CADM2: variants seen among roughly 807,000 people sequenced by gnomAD.
The protein encoded by CADM2 is immunoglobulin superfamily member 4D.
In CADM2, 12 loss-of-function variants were observed where a neutral mutation model predicts 49.8. That is an observed-to-expected ratio of 0.24 (90% CI 0.15 to 0.39). The LOEUF (loss-of-function observed/expected upper bound fraction) is 0.39, where lower values mean the gene tolerates loss of function less well. Ranked by LOEUF, CADM2 falls within the 10% of genes least tolerant of loss-of-function variation. The probability of loss-of-function intolerance (pLI) is 1.00; values close to 1 mark genes in which losing one functional copy is unlikely to be tolerated. For missense variants in CADM2, 378 were observed against 492.3 expected, an observed-to-expected ratio of 0.77 and a Z score of 2.20; for synonymous variants, 214 against 175.4, an observed-to-expected ratio of 1.22 and a Z score of -1.74.
intron 8 of CADM2, among the ~76,000 whole-genome samples, chr3:86,001,052 T>A (rs1730136201): frequency 6.6e-6 from 1 of 152,112 alleles, no homozygotes; most frequent in Non-Finnish European, 1.5e-5. Flanking sequence ...GACAGAAAGG[T>A]ACAATGATTA....
chr3:85,404,450 A>G (rs1374182716), intron 1 of CADM2, among the ~76,000 whole-genome samples: 2 of 152,174 alleles, frequency 1.3e-5, no homozygotes, highest in Non-Finnish European at 2.9e-5. Flanking sequence ...AGTCAAATAA[A>G]AAGAGCTGTT....
chr3:85,603,179 A>G (rs2063457822), intron 1 of CADM2, among the ~76,000 whole-genome samples: 1 of 151,894 alleles, frequency 6.6e-6, no homozygotes, highest in Admixed American at 6.6e-5. Flanking sequence ...GATCTGAAAT[A>G]TACATTTAAA....
At chr3:86,057,231 A>T (rs1375244537) in intron 8 of CADM2, among the ~76,000 whole-genome samples, 1 of 152,150 alleles carries the variant, frequency 6.6e-6, no homozygotes, top group Non-Finnish European at 1.5e-5. Context: ...TTTTCCCACA[A>T]GTTATGTATA....
intron 1 of CADM2, among the ~76,000 whole-genome samples, chr3:85,631,997 A>C (rs59562320): frequency 6.6e-6 from 1 of 151,946 alleles, no homozygotes; most frequent in African/African-American, 2.4e-5. Flanking sequence ...TTATTTTGCT[A>C]TGCTTTGCTT....
chr3:85,748,706 G>A (rs902557188), intron 2 of CADM2, among the ~76,000 whole-genome samples: 4 of 151,924 alleles, frequency 2.6e-5, no homozygotes, highest in Non-Finnish European at 5.9e-5. Flanking sequence ...CACTTTTATG[G>A]TGGCCTGTAT....
At chr3:85,006,205 A>G (rs554038560) in intron 1 of CADM2, among the ~76,000 whole-genome samples, 15 of 152,268 alleles carry the variant, frequency 9.9e-5, no homozygotes, top group African/African-American at 1.7e-4. Context: ...CTCTGAGCCC[A>G]AAAGAGTTAT....
At chr3:85,796,945 A>C (rs990856922) in intron 2 of CADM2, among the ~76,000 whole-genome samples, 1 of 152,042 alleles carries the variant, frequency 6.6e-6, no homozygotes, top group Non-Finnish European at 1.5e-5. Context: ...AAATGCAAAA[A>C]TTAACTGGGT....
chr3:85,572,805 C>G (rs2062517708), intron 1 of CADM2, among the ~76,000 whole-genome samples: 1 of 152,130 alleles, frequency 6.6e-6, no homozygotes, highest in Admixed American at 6.5e-5. Flanking sequence ...TCTGAGCCAC[C>G]AGCAGATTGG....
chr3:85,429,669 A>G (rs2036577813), intron 1 of CADM2, among the ~76,000 whole-genome samples: 1 of 152,090 alleles, frequency 6.6e-6, no homozygotes, highest in Non-Finnish European at 1.5e-5. Context: ...TTGAGAAATA[A>G]AAAGATAAAT....
At chr3:85,705,637 G>T in intron 1 of CADM2, among the ~76,000 whole-genome samples, 1 of 151,994 alleles carries the variant, frequency 6.6e-6, no homozygotes, top group African/African-American at 2.4e-5. Context: ...AAGTTCTGTG[G>T]GCCTTCATTA....
At chr3:85,768,678 TATATACACATATATAGTATAAATATACAC>T (rs961802337) in intron 2 of CADM2, among the ~76,000 whole-genome samples, 2 of 146,404 alleles carry the variant, frequency 1.4e-5, no homozygotes, top group Non-Finnish European at 3.0e-5. Context: ...TCTGAATATA[TATATACACATATATAGTATAAATATACAC>T]ATATACACAC....
intron 1 of CADM2, among the ~76,000 whole-genome samples, chr3:85,650,638 A>G (rs1043106485): frequency 4.0e-5 from 6 of 151,852 alleles, no homozygotes; most frequent in African/African-American, 1.2e-4. Flanking sequence ...AATTATTTCT[A>G]TTGAATCAGG....
At chr3:85,294,871 T>C (rs4053303) in intron 1 of CADM2, among the ~76,000 whole-genome samples, 1 of 152,120 alleles carries the variant, frequency 6.6e-6, no homozygotes, top group Non-Finnish European at 1.5e-5. Flanking sequence ...ATTCAGGACA[T>C]AGGCATGGGC....
At chr3:85,081,790 A>G (rs1396389835) in intron 1 of CADM2, among the ~76,000 whole-genome samples, 1 of 152,188 alleles carries the variant, frequency 6.6e-6, no homozygotes, top group African/African-American at 2.4e-5. Flanking sequence ...ATTACAAAAG[A>G]GTAAATACCA....
chr3:85,856,007 A>C (rs1002825275), intron 3 of CADM2, among the ~76,000 whole-genome samples: 1 of 152,148 alleles, frequency 6.6e-6, no homozygotes, highest in African/African-American at 2.4e-5. Context: ...GCATTAGTTC[A>C]TACTCGTTAT....
chr3:85,763,049 T>A (rs2069469861), intron 2 of CADM2, among the ~76,000 whole-genome samples: 1 of 152,118 alleles, frequency 6.6e-6, no homozygotes, highest in African/African-American at 2.4e-5. Flanking sequence ...TTATTGACAA[T>A]ATTTATTAGA....
At chr3:85,186,427 T>A (rs2107714226) in intron 1 of CADM2, among the ~76,000 whole-genome samples, 1 of 152,300 alleles carries the variant, frequency 6.6e-6, no homozygotes, top group East Asian at 1.9e-4. Flanking sequence ...TTGTAAAGTA[T>A]TTCATATTTT....
At chr3:85,767,932 G>A (rs557083771) in intron 2 of CADM2, among the ~76,000 whole-genome samples, 2 of 152,136 alleles carry the variant, frequency 1.3e-5, no homozygotes, top group South Asian at 4.2e-4. Flanking sequence ...TGCATCTGTT[G>A]TACAACAGAT....
At chr3:85,311,595 C>A (rs1245696334) in intron 1 of CADM2, among the ~76,000 whole-genome samples, 1 of 151,968 alleles carries the variant, frequency 6.6e-6, no homozygotes, top group East Asian at 1.9e-4. Context: ...CCAGGATAGT[C>A]TTGATCTCCT....
Sources: gnomAD v4.1 joint callset for allele counts (sites outside exome capture counted in the v4.1 genomes callset) on GRCh38, gnomAD v4.1.1 for gene constraint, MANE v1.5 for transcripts, NCBI Gene and HGNC (gene_info 2026-07-23, HGNC 2026-07-21) for gene names.